TENM4: variants seen among roughly 807,000 people sequenced by gnomAD.
TENM4 encodes teneurin-4.
TENM4 carries 82 observed loss-of-function variants against 243.3 expected under a neutral mutation model. The observed-to-expected ratio is 0.34, with a 90% CI of 0.28 to 0.40. The LOEUF (loss-of-function observed/expected upper bound fraction) is 0.40. Among genes scored for constraint, TENM4 ranks in the 10% least tolerant of loss-of-function variants. The pLI is 1.00. For missense variants in TENM4, 3,138 were observed against 3,673.3 expected (o/e 0.85, Z 3.77); for synonymous variants, 1,412 against 1,456.3 (o/e 0.97, Z 0.69).
intron 18 of TENM4, among the ~76,000 whole-genome samples, chr11:78,764,524 G>GCATGCATTTTTTTATGTAAGAATCT (rs1856500299): frequency 6.6e-6 from 1 of 152,226 alleles, no homozygotes; most frequent in Non-Finnish European, 1.5e-5. Flanking sequence ...ATGAATAAAT[G>GCATGCATTTTTTTATGTAAGAATCT]CATGCATTTT....
rs186512563 is a variant in TENM4, at chr11:78,737,289, C to T, written c.2876+1162G>A. Among the ~76,000 whole-genome samples the T allele has an allele frequency of 4.3e-3, 661 of 152,270 alleles. 5 individuals carry two copies. The highest frequency in any genetic ancestry group is 7.6e-3 in the Non-Finnish European group (514 of 68,028). ...GTGGGAAGGTGTATAGGGTAGGGAA[C>T]AGTGGCCTGGCCTGGCCAGTTTATC... On this transcript the variant is annotated intron_variant, in intron 20 of 33. Transcript: ENST00000278550.
At chr11:79,222,310 C>T (rs184578054) in intron 2 of TENM4, among the ~76,000 whole-genome samples, 52 of 152,284 alleles carry the variant, frequency 3.4e-4, no homozygotes, top group Admixed American at 5.2e-4. Flanking sequence ...CAGCTCCATC[C>T]GTGTTCCTGA....
rs568971072 is a variant in TENM4, at chr11:79,077,140, T to C, written c.-65-7131A>G. On this transcript the variant is annotated intron_variant, in intron 4 of 33. Transcript: ENST00000278550. ...GGCGTCATAGGAGACTCCCTTCTTCTCTCCTCCCCGAACTCCCAGTTCCTA... is the reference window on the plus strand; with the variant it reads ...GGCGTCATAGGAGACTCCCTTCTTCCCTCCTCCCCGAACTCCCAGTTCCTA... 2.0e-5 allele frequency among the ~76,000 whole-genome samples: 3 copies of C among 152,280 alleles called. No homozygotes were observed. In the East Asian group the frequency reaches 5.8e-4, roughly 29 times the overall value.
intron 1 of TENM4, among the ~76,000 whole-genome samples, chr11:79,437,586 C>T (rs1029999225): frequency 6.6e-6 from 1 of 152,234 alleles, no homozygotes; most frequent in Non-Finnish European, 1.5e-5. Context: ...GGCGGCGTCC[C>T]GCGGACTCCG....
chr11:79,024,922 G>A (rs954075943), intron 6 of TENM4, among the ~76,000 whole-genome samples: 4 of 152,206 alleles, frequency 2.6e-5, no homozygotes, highest in Non-Finnish European at 4.4e-5. Context: ...CTTGTCACCA[G>A]CATCTTAGAG....
Position 78,805,458 on chromosome 11 carries a change from AC to A in TENM4, c.2012del (p.Gly671ValfsTer4). 2 of 1,591,456 alleles carry A rather than the reference AC, an allele frequency of 1.3e-6. No homozygotes were observed. Among genetic ancestry groups the A allele is most frequent in the Non-Finnish European group, 8.6e-7 (1 of 1,168,622 alleles). On this transcript the variant is annotated frameshift_variant, in exon 15 of 34. Coordinates refer to ENST00000278550, the MANE Select transcript of TENM4 (RefSeq NM_001098816.3). LOFTEE classifies it high-confidence loss of function. ...AGTGGCATTCGCCTCTCACGCAGAC[AC>A]CCCGGCCTGAACATGTGGGGTCCAT... is the stretch of plus-strand genomic sequence containing the variant. ...DCMDPTCSGR[G>X]VCVRGECHCS...
chr11:78,824,252 G>A (rs752681057), intron 12 of TENM4, among the ~76,000 whole-genome samples: 7 of 152,250 alleles, frequency 4.6e-5, no homozygotes, highest in Admixed American at 2.0e-4. Flanking sequence ...GCATAACACC[G>A]GCATCTGCTT....
At chr11:78,663,869 C>T (rs2051454) in intron 32 of TENM4, among the ~76,000 whole-genome samples, 64,604 of 152,028 alleles carry the variant, frequency 0.42, 16,743 homozygotes, top group Non-Finnish European at 0.59. Context: ...TCAAGAACCT[C>T]GTGTTTGCCT....
intron 6 of TENM4, among the ~76,000 whole-genome samples, chr11:79,012,436 C>T (rs975791616): frequency 1.3e-5 from 2 of 152,108 alleles, no homozygotes; most frequent in Admixed American, 1.3e-4. Flanking sequence ...TACCATGTGC[C>T]AGGCAGTTCC....
intron 2 of TENM4, among the ~76,000 whole-genome samples, chr11:79,277,157 G>T (rs1194235473): frequency 1.3e-5 from 2 of 152,176 alleles, no homozygotes; most frequent in African/African-American, 4.8e-5. Flanking sequence ...GCTACCAGGG[G>T]CTGTGCCAGG....
At chr11:79,003,412 G>T (rs1024629463) in intron 6 of TENM4, among the ~76,000 whole-genome samples, 1 of 151,756 alleles carries the variant, frequency 6.6e-6, no homozygotes, top group Admixed American at 6.6e-5. Context: ...GGAAGGGGAA[G>T]GTCTCCTACA....
At chr11:78,744,480 T>C (rs901786583) in intron 19 of TENM4, among the ~76,000 whole-genome samples, 2 of 152,238 alleles carry the variant, frequency 1.3e-5, no homozygotes, top group Non-Finnish European at 2.9e-5. Context: ...TCTTGCAGAC[T>C]TGTGGGGAGC....
intron 2 of TENM4, among the ~76,000 whole-genome samples, chr11:79,267,514 C>G (rs1192347180): frequency 1.3e-5 from 2 of 152,186 alleles, no homozygotes; most frequent in Non-Finnish European, 2.9e-5. Flanking sequence ...GGTTTAGAGT[C>G]AGACACACCT....
intron 6 of TENM4, among the ~76,000 whole-genome samples, chr11:78,942,997 A>G (rs987756913): frequency 2.0e-5 from 3 of 152,200 alleles, no homozygotes; most frequent in Admixed American, 1.3e-4. Flanking sequence ...TTCAAATCCA[A>G]TGAAACTCTC....
intron 9 of TENM4, among the ~76,000 whole-genome samples, chr11:78,869,919 C>G (rs1859081714): frequency 6.6e-6 from 1 of 152,124 alleles, no homozygotes; most frequent in Admixed American, 6.5e-5. Context: ...AGCATGGGCC[C>G]CCATCCTTTC....
intron 6 of TENM4, among the ~76,000 whole-genome samples, chr11:78,953,865 G>A (rs948258644): frequency 6.6e-6 from 1 of 152,118 alleles, no homozygotes; most frequent in Non-Finnish European, 1.5e-5. Context: ...TTTTACAGAC[G>A]AGACTGAGGC....
At chr11:78,887,137 A>G (rs1258184233) in intron 9 of TENM4, among the ~76,000 whole-genome samples, 1 of 152,184 alleles carries the variant, frequency 6.6e-6, no homozygotes, top group Non-Finnish European at 1.5e-5. Flanking sequence ...GATCTCCACA[A>G]TCTGATGAAA....
chr11:78,921,087 A>G (rs1856438248), intron 6 of TENM4, among the ~76,000 whole-genome samples: 1 of 152,208 alleles, frequency 6.6e-6, no homozygotes, highest in Non-Finnish European at 1.5e-5. Context: ...GATTCAAACC[A>G]AGGACTAGCT....
chr11:79,190,059 A>T (rs1424471518), intron 3 of TENM4, among the ~76,000 whole-genome samples: 1 of 152,232 alleles, frequency 6.6e-6, no homozygotes, highest in African/African-American at 2.4e-5. Flanking sequence ...AAGCAACGTG[A>T]ATCTCTCCCT....
Sources: gnomAD v4.1 joint callset for allele counts (sites outside exome capture counted in the v4.1 genomes callset) on GRCh38, gnomAD v4.1.1 for gene constraint, MANE v1.5 for transcripts, NCBI Gene and HGNC (gene_info 2026-07-23, HGNC 2026-07-21) for gene names.